The following LY86 variants were observed in gnomAD, a reference collection of about 807,000 sequenced individuals.
LY86 encodes MD-1, RP105-associated.
In LY86, 20 loss-of-function variants were observed where a neutral mutation model predicts 17.3. The ratio of observed to expected loss-of-function variants is 1.15; its 90% CI spans 0.81 to 1.68. The LOEUF (loss-of-function observed/expected upper bound fraction) is 1.68. Ranked by LOEUF, LY86 falls within the 40% of genes most tolerant of loss-of-function variation. The pLI is 0.00. For missense variants in LY86, 200 were observed against 191.9 expected (o/e 1.04, Z -0.25); for synonymous variants, 74 against 70.6 (o/e 1.05, Z -0.24).
intron 1 of LY86, among the ~76,000 whole-genome samples, chr6:6,598,052 T>C (rs1760773609): frequency 6.6e-6 from 1 of 152,250 alleles, no homozygotes; most frequent in Admixed American, 6.5e-5. Context: ...TCTGTGTGCT[T>C]TAGTGCTCAA....
chr6:6,653,404 C>T lies in LY86; in HGVS notation c.406-1140C>T, dbSNP rs539202222. 8.5e-5 allele frequency among the ~76,000 whole-genome samples: 13 copies of T among 152,342 alleles called. No individual in the cohort carries two copies. The South Asian group carries it at 2.7e-3, about 32-fold the overall frequency. On this transcript the variant is annotated intron_variant, in intron 4 of 4. Transcript: ENST00000230568. ...CTCCTCTGCCACAGTCCCTCTGCTC[C>T]GCTTGCGACCCTCCAACCACCCCAG...
intron 3 of LY86, among the ~76,000 whole-genome samples, chr6:6,636,635 A>C (rs1469657778): frequency 6.6e-6 from 1 of 152,234 alleles, no homozygotes; most frequent in Non-Finnish European, 1.5e-5. Context: ...TGGTTGAACA[A>C]GGCGAAGTTT....
chr6:6,600,494 G>T (rs185624053), intron 1 of LY86, among the ~76,000 whole-genome samples: 1 of 148,702 alleles, frequency 6.7e-6, no homozygotes, highest in East Asian at 2.0e-4. Context: ...AGAGGCTGAG[G>T]CAGGGGAATC....
At chr6:6,612,143 T>G (rs549658598) in intron 1 of LY86, among the ~76,000 whole-genome samples, 11 of 150,764 alleles carry the variant, frequency 7.3e-5, no homozygotes, top group Admixed American at 2.0e-4. Context: ...CTCCTAAGAT[T>G]GATAGATGTG....
At chr6:6,625,102 C>T (rs972383199) in intron 2 of LY86, 90 bp downstream of exon 2, 11 of 589,712 alleles carry the variant, frequency 1.9e-5, no homozygotes, top group Admixed American at 1.1e-4. Flanking sequence ...ACTGTAATGA[C>T]TGGCTAAACT....
At chr6:6,601,720 G>GA (rs562610253) in intron 1 of LY86, among the ~76,000 whole-genome samples, 35 of 142,812 alleles carry the variant, frequency 2.5e-4, no homozygotes, top group African/African-American at 6.3e-4. Flanking sequence ...ACACTGTCTC[G>GA]AAAAAAAAAG....
At chr6:6,596,835 T>C (rs867391245) in intron 1 of LY86, among the ~76,000 whole-genome samples, 15 of 152,300 alleles carry the variant, frequency 9.8e-5, no homozygotes, top group Non-Finnish European at 2.9e-5. Flanking sequence ...AAGCCTGAGT[T>C]AATTCTCCAA....
intron 3 of LY86, among the ~76,000 whole-genome samples, chr6:6,628,544 C>T (rs1030175217): frequency 6.6e-6 from 1 of 151,978 alleles, no homozygotes; most frequent in Admixed American, 6.6e-5. Flanking sequence ...CTCTCTGTCT[C>T]TCTGTCTGTC....
intron 1 of LY86, among the ~76,000 whole-genome samples, chr6:6,612,292 T>C (rs1267631824): frequency 6.6e-6 from 1 of 152,230 alleles, no homozygotes; most frequent in African/African-American, 2.4e-5. Flanking sequence ...TTCTCGTGGG[T>C]TAGTGGCCTT....
At chr6:6,598,699 A>G (rs1008507268) in intron 1 of LY86, among the ~76,000 whole-genome samples, 1 of 151,082 alleles carries the variant, frequency 6.6e-6, no homozygotes, top group African/African-American at 2.4e-5. Flanking sequence ...TCATTGTCCC[A>G]CCCTTATTGT....
At chr6:6,603,636 C>CAAA (rs1760997242) in intron 1 of LY86, among the ~76,000 whole-genome samples, 1 of 112,040 alleles carries the variant, frequency 8.9e-6, no homozygotes, top group South Asian at 2.9e-4. Flanking sequence ...AAACAAAACA[C>CAAA]ACACACACAC....
At chr6:6,621,741 A>G (rs1054767913) in intron 1 of LY86, among the ~76,000 whole-genome samples, 8 of 152,210 alleles carry the variant, frequency 5.3e-5, no homozygotes, top group Non-Finnish European at 1.5e-5. Context: ...CAAATTTACT[A>G]CAAATAACCA....
chr6:6,605,755 A>G (rs36098410), intron 1 of LY86, among the ~76,000 whole-genome samples: 137,713 of 152,138 alleles, frequency 0.91, 62,381 homozygotes, highest in Middle Eastern at 0.98. Context: ...TGTGTCCAGA[A>G]CTTATTCTTT....
intron 1 of LY86, among the ~76,000 whole-genome samples, chr6:6,616,195 A>G (rs3827782): frequency 0.16 from 23,903 of 152,200 alleles, 1,943 homozygotes; most frequent in East Asian, 0.23. Flanking sequence ...AGTGACCTGC[A>G]CAATCTCAGT....
At chr6:6,631,953 G>C (rs1428197497) in intron 3 of LY86, among the ~76,000 whole-genome samples, 1 of 152,132 alleles carries the variant, frequency 6.6e-6, no homozygotes, top group Non-Finnish European at 1.5e-5. Flanking sequence ...TCTTTTGACT[G>C]ATCAGTCCTG....
intron 4 of LY86, among the ~76,000 whole-genome samples, chr6:6,651,268 G>A (rs373472276): frequency 8.8e-4 from 134 of 152,312 alleles, no homozygotes; most frequent in African/African-American, 3.2e-3. Context: ...GTATTTGGCT[G>A]AAGAAAAAGG....
chr6:6,605,349 T>C (rs949734893), intron 1 of LY86, among the ~76,000 whole-genome samples: 1 of 152,210 alleles, frequency 6.6e-6, no homozygotes, highest in African/African-American at 2.4e-5. Context: ...GGTGATGAAG[T>C]AGTCAATTCT....
rs771486981 is a variant in LY86, at chr6:6,649,615, A to AT, written c.353-4dup. The stretch of plus-strand genomic sequence containing the variant: ...GAATAACATCATCTATGCTTTATAT[A>AT]TTTTTTCAGAGCAGATTTACTATGC... On this transcript the variant is annotated splice_polypyrimidine_tract_variant and intron_variant, in intron 3 of 4. Coordinates refer to ENST00000230568, the MANE Select transcript of LY86 (RefSeq NM_004271.4). 4.6e-6 allele frequency: 7 copies of AT among 1,527,140 alleles called. No homozygotes were observed. The highest frequency in any genetic ancestry group is 1.2e-5 in the South Asian group (1 of 85,982). 94.6% of individuals were successfully genotyped at this position (1,527,140 alleles called of 1,614,324 possible). A position where few individuals can be genotyped will look rare whatever the true frequency, so the allele number is the denominator to read the frequency against.
intron 1 of LY86, among the ~76,000 whole-genome samples, chr6:6,595,547 C>T (rs866621217): frequency 2.9e-5 from 4 of 139,858 alleles, no homozygotes; most frequent in African/African-American, 7.7e-5. Flanking sequence ...ATCCTCTCTA[C>T]GCACATCCAG....
Sources: allele counts gnomAD v4.1 joint callset (sites outside exome capture counted in the v4.1 genomes callset), GRCh38; gene constraint gnomAD v4.1.1; transcripts MANE v1.5; gene names NCBI Gene and HGNC (gene_info 2026-07-23, HGNC 2026-07-21).